Variants in SDC2 observed in about 807,000 individuals in gnomAD.
SDC2 encodes the protein syndecan 2.
A neutral mutation model predicts 22.2 loss-of-function variants in SDC2; 13 were observed. That is an observed-to-expected ratio of 0.59 (90% CI 0.38 to 0.93). SDC2 has a LOEUF of 0.93. Among genes scored for constraint, SDC2 ranks in the 40% least tolerant of loss-of-function variants. SDC2 has a pLI of 0.00. For missense variants in SDC2, 235 were observed against 246.8 expected, an observed-to-expected ratio of 0.95 and a Z score of 0.32; for synonymous variants, 94 against 92.8, an observed-to-expected ratio of 1.01 and a Z score of -0.07.
chr8:96,546,153 G>C (rs1259082193), intron 1 of SDC2, among the ~76,000 whole-genome samples: 1 of 152,196 alleles, frequency 6.6e-6, no homozygotes, highest in East Asian at 1.9e-4. Flanking sequence ...CCCCTCTAAA[G>C]ACCTGATGGT....
intron 1 of SDC2, among the ~76,000 whole-genome samples, chr8:96,559,377 A>C (rs1207660390): frequency 6.6e-6 from 1 of 152,204 alleles, no homozygotes; most frequent in Admixed American, 6.5e-5. Flanking sequence ...GTCTGTTGTT[A>C]AAAGGTGGAA....
At chr8:96,596,708 A>G (rs896265909) in intron 2 of SDC2, among the ~76,000 whole-genome samples, 3 of 152,244 alleles carry the variant, frequency 2.0e-5, no homozygotes, top group Admixed American at 1.3e-4. Context: ...ATCGAACACT[A>G]CTACCTTTCA....
At chr8:96,528,459 C>T (rs114584130) in intron 1 of SDC2, among the ~76,000 whole-genome samples, 4,625 of 152,158 alleles carry the variant, frequency 0.03, 235 homozygotes, top group African/African-American at 0.1. Context: ...TGCAAATACT[C>T]AGTGCTCATA....
At chr8:96,583,639 A>G (rs553892950) in intron 1 of SDC2, among the ~76,000 whole-genome samples, 7 of 147,152 alleles carry the variant, frequency 4.8e-5, no homozygotes, top group Admixed American at 1.4e-4. Flanking sequence ...TTCATTTTCT[A>G]TTCCCTTTCA....
intron 1 of SDC2, among the ~76,000 whole-genome samples, chr8:96,573,298 A>C (rs1272466140): frequency 3.4e-4 from 1 of 2,958 alleles, no homozygotes; most frequent in Non-Finnish European, 2.1e-3. Context: ...CCTCCCAACA[A>C]CAATGTTGCC....
rs973340804 is a variant in SDC2, at chr8:96,526,104, G to C, written c.60+31773G>C. 1.3e-4 allele frequency among the ~76,000 whole-genome samples: 20 copies of C among 152,274 alleles called. No homozygotes were observed. In the South Asian group the frequency reaches 1.7e-3, roughly 13 times the overall value. On this transcript the variant is annotated intron_variant, in intron 1 of 4. Transcript: ENST00000302190. ...GGATGTGCGGGCCAGGCATGGTGCA[G>C]GGCCAGGTATGTTTTAGCCTTGTGG...
At chr8:96,583,364 T>C (rs1248232781) in intron 1 of SDC2, among the ~76,000 whole-genome samples, 2 of 139,198 alleles carry the variant, frequency 1.4e-5, no homozygotes, top group African/African-American at 5.2e-5. Context: ...ATATATATTA[T>C]ATATCATATA....
In SDC2 at chr8:96,497,611, C is replaced by G. The variant is rs535149440; in HGVS notation, c.60+3280C>G. ...TTGTTCCCTGGGTGGAACTAGTTTT[C>G]AAGTCTCCAAAAGCCCCCAGAGACC... is the stretch of plus-strand genomic sequence containing the variant. On this transcript the variant is annotated intron_variant, in intron 1 of 4. Coordinates refer to ENST00000302190, the MANE Select transcript of SDC2 (RefSeq NM_002998.4). Among the ~76,000 whole-genome samples, 9 of 152,276 alleles carry G rather than the reference C, an allele frequency of 5.9e-5. No individual in the cohort carries two copies. In the East Asian group the frequency reaches 1.7e-3, roughly 29 times the overall value.
At chr8:96,571,717 G>A (rs555039953) in intron 1 of SDC2, among the ~76,000 whole-genome samples, 7 of 152,258 alleles carry the variant, frequency 4.6e-5, no homozygotes, top group Admixed American at 2.6e-4. Context: ...GTGTTGAAAC[G>A]GAAGGAAACC....
intron 1 of SDC2, among the ~76,000 whole-genome samples, chr8:96,561,896 T>TTTTG (rs750795673): frequency 4.6e-5 from 7 of 152,156 alleles, no homozygotes; most frequent in Admixed American, 2.0e-4. Context: ...GGCATGGGGT[T>TTTTG]TTTGTTTGTT....
chr8:96,566,855 A>T (rs1814307377), intron 1 of SDC2, among the ~76,000 whole-genome samples: 1 of 151,810 alleles, frequency 6.6e-6, no homozygotes, highest in Non-Finnish European at 1.5e-5. Context: ...GTATATCTTT[A>T]TTTTTATTTT....
intron 1 of SDC2, among the ~76,000 whole-genome samples, chr8:96,540,781 A>G (rs1437833748): frequency 2.0e-5 from 3 of 152,236 alleles, no homozygotes; most frequent in Admixed American, 2.0e-4. Flanking sequence ...GTTTTACCAC[A>G]GCGTTGAAAG....
chr8:96,538,631 T>C (rs2130505782), intron 1 of SDC2: 1 of 152,342 alleles, frequency 6.6e-6, no homozygotes, highest in South Asian at 2.1e-4. Flanking sequence ...TGTTAATTGC[T>C]AAAAGTTGAA....
At chr8:96,513,010 G>A (rs1476130443) in intron 1 of SDC2, among the ~76,000 whole-genome samples, 1 of 151,916 alleles carries the variant, frequency 6.6e-6, no homozygotes, top group Non-Finnish European at 1.5e-5. Flanking sequence ...TTTATACTTA[G>A]TACTTTTTTA....
chr8:96,530,829 A>G (rs942916452), intron 1 of SDC2, among the ~76,000 whole-genome samples: 3 of 152,246 alleles, frequency 2.0e-5, no homozygotes, highest in Non-Finnish European at 2.9e-5. Context: ...ACAGTTGGCC[A>G]TGGGCAGTAT....
chr8:96,515,589 C>T (rs775328325), intron 1 of SDC2, among the ~76,000 whole-genome samples: 3 of 152,150 alleles, frequency 2.0e-5, no homozygotes, highest in African/African-American at 4.8e-5. Flanking sequence ...GCCAGCTGTC[C>T]GTGTTCTGTG....
chr8:96,515,240 C>T (rs558023126), intron 1 of SDC2, among the ~76,000 whole-genome samples: 71 of 152,304 alleles, frequency 4.7e-4, no homozygotes, highest in African/African-American at 1.7e-3. Context: ...TACTGCCTTG[C>T]AATGAAGTTT....
intron 1 of SDC2, among the ~76,000 whole-genome samples, chr8:96,554,901 G>C (rs766417567): frequency 1.8e-4 from 28 of 152,106 alleles, no homozygotes; most frequent in Non-Finnish European, 3.7e-4. Flanking sequence ...TGTGGGCCCA[G>C]CTCCTCCCTC....
chr8:96,532,299 CT>C (rs1365876960), intron 1 of SDC2, among the ~76,000 whole-genome samples: 1 of 151,306 alleles, frequency 6.6e-6, no homozygotes, highest in African/African-American at 2.4e-5. Context: ...ACCCACCCTG[CT>C]TTGTCAGTCT....
Sources: allele counts gnomAD v4.1 joint callset (sites outside exome capture counted in the v4.1 genomes callset), GRCh38; gene constraint gnomAD v4.1.1; transcripts MANE v1.5; gene names NCBI Gene and HGNC (gene_info 2026-07-23, HGNC 2026-07-21).